Variants in ERC1 observed in about 807,000 individuals in gnomAD.
ERC1 encodes the protein RAB6 interacting protein 2.
ERC1 carries 56 observed loss-of-function variants against 132.0 expected under a neutral mutation model. The observed-to-expected ratio is 0.42, with a 90% CI of 0.34 to 0.53. ERC1 has a LOEUF of 0.53. Among genes scored for constraint, ERC1 ranks in the 20% least tolerant of loss-of-function variants. ERC1 has a pLI of 0.03. For synonymous variants in ERC1, 478 were observed against 476.1 expected (o/e 1.00, Z -0.05); for missense variants, 1,202 against 1,349.9 (o/e 0.89, Z 1.72).
chr12:1,367,575 T>C (rs1392210436), intron 15 of ERC1, among the ~76,000 whole-genome samples: 1 of 152,232 alleles, frequency 6.6e-6, no homozygotes, highest in Non-Finnish European at 1.5e-5. Context: ...AGTCTAATGT[T>C]GTGGCGTTCT....
At chr12:1,468,687 C>A (rs7297916) in intron 18 of ERC1, among the ~76,000 whole-genome samples, 36 of 152,234 alleles carry the variant, frequency 2.4e-4, no homozygotes, top group African/African-American at 8.7e-4. Context: ...AGCCTGCAGG[C>A]TCTCAGGGAT....
chr12:1,438,835 T>C (rs939259929), intron 17 of ERC1, among the ~76,000 whole-genome samples: 1 of 151,928 alleles, frequency 6.6e-6, no homozygotes, highest in African/African-American at 2.4e-5. Flanking sequence ...CCCAGCTACT[T>C]TGGGGGCTAA....
intron 12 of ERC1, among the ~76,000 whole-genome samples, chr12:1,201,509 G>A (rs1342269171): frequency 6.6e-6 from 1 of 152,102 alleles, no homozygotes; most frequent in Non-Finnish European, 1.5e-5. Flanking sequence ...ATATTTGACG[G>A]GTTTACCTAT....
intron 12 of ERC1, among the ~76,000 whole-genome samples, chr12:1,210,858 G>C (rs1243484878): frequency 6.6e-6 from 1 of 152,032 alleles, no homozygotes; most frequent in Non-Finnish European, 1.5e-5. Context: ...AGTTGGGTGT[G>C]GTGGCATGCG....
At chr12:1,440,495 C>T (rs138714245) in intron 17 of ERC1, among the ~76,000 whole-genome samples, 8,623 of 147,628 alleles carry the variant, frequency 0.058, 421 homozygotes, top group Admixed American at 0.13. Context: ...TGTGAGCCAC[C>T]GCGCCCGGCC....
At chr12:1,077,377 A>C (rs1274902362) in intron 2 of ERC1, among the ~76,000 whole-genome samples, 3 of 152,204 alleles carry the variant, frequency 2.0e-5, no homozygotes, top group African/African-American at 7.2e-5. Context: ...ATTTATCTAA[A>C]ATATATGAAT....
intron 16 of ERC1, among the ~76,000 whole-genome samples, chr12:1,384,377 GC>G (rs1453807849): frequency 6.6e-6 from 1 of 152,156 alleles, no homozygotes; most frequent in Non-Finnish European, 1.5e-5. Context: ...TTTTTAAGCA[GC>G]TAAGTTCGAA....
chr12:1,118,796 T>C (rs1208291761), intron 7 of ERC1, among the ~76,000 whole-genome samples: 1 of 152,196 alleles, frequency 6.6e-6, no homozygotes, highest in Non-Finnish European at 1.5e-5. Flanking sequence ...TCTGCAGCTA[T>C]CCCAGACTTC....
chr12:1,125,380 G>GC (rs1253903892), intron 7 of ERC1, among the ~76,000 whole-genome samples: 2 of 151,994 alleles, frequency 1.3e-5, no homozygotes, highest in Non-Finnish European at 2.9e-5. Flanking sequence ...AAACAAGAAA[G>GC]CCTAATACTC....
intron 7 of ERC1, among the ~76,000 whole-genome samples, chr12:1,126,848 C>T (rs927331872): frequency 2.6e-5 from 4 of 151,728 alleles, no homozygotes; most frequent in Non-Finnish European, 5.9e-5. Flanking sequence ...ATTAGCTGGG[C>T]GTGGTGGCAC....
chr12:1,286,850 A>AG (rs1174304424), intron 14 of ERC1, among the ~76,000 whole-genome samples: 2 of 152,224 alleles, frequency 1.3e-5, no homozygotes, highest in Non-Finnish European at 2.9e-5. Flanking sequence ...CATTTTAATG[A>AG]GAAAAATTAT....
chr12:1,035,685 G>C (rs907531480), intron 2 of ERC1, among the ~76,000 whole-genome samples: 4 of 152,252 alleles, frequency 2.6e-5, no homozygotes, highest in Middle Eastern at 3.4e-3. Context: ...CACTTTGGGA[G>C]GCTGAGGTGG....
intron 8 of ERC1, 103 bp from the exon 9 acceptor site, chr12:1,180,437 G>C (rs749533419): frequency 2.3e-4 from 246 of 1,051,914 alleles, no homozygotes; most frequent in Non-Finnish European, 2.7e-4. Context: ...CACACACACA[G>C]ACAACCCTGA....
intron 13 of ERC1, among the ~76,000 whole-genome samples, chr12:1,260,771 G>A (rs1377616452): frequency 6.6e-6 from 1 of 152,154 alleles, no homozygotes; most frequent in Non-Finnish European, 1.5e-5. Context: ...TGATACAGTT[G>A]CGTTAGAGCA....
At chr12:1,428,218 T>C (rs898444517) in intron 17 of ERC1, among the ~76,000 whole-genome samples, 1 of 152,182 alleles carries the variant, frequency 6.6e-6, no homozygotes, top group Admixed American at 6.5e-5. Context: ...TTGTACAAAA[T>C]AAAACTCTTC....
intron 2 of ERC1, among the ~76,000 whole-genome samples, chr12:1,078,834 A>C (rs985951248): frequency 4.0e-5 from 6 of 151,672 alleles, no homozygotes; most frequent in African/African-American, 1.2e-4. Flanking sequence ...TCGATATACA[A>C]AGATACATAT....
At chr12:1,091,869 T>G (rs1943264947) in intron 3 of ERC1, among the ~76,000 whole-genome samples, 1 of 152,146 alleles carries the variant, frequency 6.6e-6, no homozygotes, top group Admixed American at 6.5e-5. Flanking sequence ...TTGCTGGAGA[T>G]GTACAGAATA....
Position 1,247,000 on chromosome 12 carries a change from A to G in ERC1, c.2487+10096A>G, listed in dbSNP as rs75954109. ...GAAAATTAGCTGGGTATAGTGGTGC[A>G]TACCTATAGTCCCAGCTACTTGGGA... is the stretch of plus-strand genomic sequence containing the variant. On this transcript the variant is annotated intron_variant, in intron 13 of 18. Transcript: ENST00000360905. Among the ~76,000 whole-genome samples the G allele has an allele frequency of 1.5e-4, 23 of 152,326 alleles. No homozygotes were observed. The East Asian group carries it at 4.4e-3, about 29-fold the overall frequency.
chr12:998,980 C>CTCTTGAGTA (rs1209258677), intron 1 of ERC1, among the ~76,000 whole-genome samples: 1 of 151,724 alleles, frequency 6.6e-6, no homozygotes, highest in Admixed American at 6.6e-5. Flanking sequence ...CTGCCTTAGC[C>CTCTTGAGTA]TCTTGAGTAG....
Sources: gnomAD v4.1 joint callset for allele counts (sites outside exome capture counted in the v4.1 genomes callset) on GRCh38, gnomAD v4.1.1 for gene constraint, MANE v1.5 for transcripts, NCBI Gene and HGNC (gene_info 2026-07-23, HGNC 2026-07-21) for gene names.